The following SUGCT variants were observed in gnomAD, a reference collection of about 807,000 sequenced individuals.
SUGCT encodes the protein succinyl-CoA:glutarate CoA-transferase.
In SUGCT, 41 loss-of-function variants were observed where a neutral mutation model predicts 55.0. The ratio of observed to expected loss-of-function variants is 0.74; its 90% CI spans 0.58 to 0.97. SUGCT has a LOEUF of 0.97. Ranked by LOEUF, SUGCT falls within the 50% of genes least tolerant of loss-of-function variation. The pLI is 0.00. For missense variants in SUGCT, 568 were observed against 547.8 expected (o/e 1.04, Z -0.37); for synonymous variants, 187 against 200.4 (o/e 0.93, Z 0.56).
At position 40,448,629 on chromosome 7, in the gene SUGCT, C is replaced by T. The variant is rs144309172; in HGVS notation, c.817-658C>T. Among the ~76,000 whole-genome samples the T allele has an allele frequency of 8.3e-3, 1,258 of 152,114 alleles. 48 individuals carry two copies. Among genetic ancestry groups the T allele is most frequent in the Admixed American group, 0.059 (901 of 15,288 alleles). ...TTGGGAGGCTGAGGTAAGCGGATCT[C>T]GAGCCCAGGGGTTTAAGACCTGCCT... On this transcript the variant is annotated intron_variant, in intron 9 of 13. Transcript: ENST00000335693.
At chr7:40,718,858 A>G (rs778337650) in intron 12 of SUGCT, among the ~76,000 whole-genome samples, 21 of 152,214 alleles carry the variant, frequency 1.4e-4, no homozygotes, top group Non-Finnish European at 2.6e-4. Flanking sequence ...TACTATACAA[A>G]TATTTATTTA....
rs1022915051 is a variant in SUGCT at position 40,216,498 on chromosome 7, C to CAAA, written c.485-21116_485-21114dup. On this transcript the variant is annotated intron_variant, in intron 6 of 13. Coordinates refer to ENST00000335693, the MANE Select transcript of SUGCT (RefSeq NM_001193313.2). ...CTGGGCGAAGAGCAAGACTCCGTCT[C>CAAA]AAAAAAAAAAAAAAAAAAAAAAAGA... 1.3e-3 allele frequency among the ~76,000 whole-genome samples: 67 copies of CAAA among 50,310 alleles called. 1 individual carries two copies. Among genetic ancestry groups the CAAA allele is most frequent in the African/African-American group, 3.6e-3 (54 of 14,944 alleles). 33.0% of individuals were successfully genotyped at this position (50,310 alleles called of 152,430 possible). A position where few individuals can be genotyped will look rare whatever the true frequency, so the allele number is the denominator to read the frequency against.
intron 12 of SUGCT, among the ~76,000 whole-genome samples, chr7:40,582,368 G>A (rs1797148219): frequency 6.6e-6 from 1 of 152,072 alleles, no homozygotes; most frequent in African/African-American, 2.4e-5. Flanking sequence ...TCAACAATGA[G>A]ATATTTGAAT....
chr7:40,956,892 G>A, the SUGCT span, among the ~76,000 whole-genome samples: 2 of 152,094 alleles, frequency 1.3e-5, no homozygotes, highest in Admixed American at 6.6e-5. Context: ...AGTCATTCAG[G>A]AGCAGGTTGT....
intron 12 of SUGCT, among the ~76,000 whole-genome samples, chr7:40,504,821 C>T (rs1792498227): frequency 6.6e-6 from 1 of 152,162 alleles, no homozygotes; most frequent in Non-Finnish European, 1.5e-5. Flanking sequence ...AAAATCAATT[C>T]ACCATTAATA....
At chr7:40,354,285 A>G (rs1797781320) in intron 9 of SUGCT, among the ~76,000 whole-genome samples, 1 of 152,168 alleles carries the variant, frequency 6.6e-6, no homozygotes, top group Admixed American at 6.5e-5. Context: ...AGATTGAGGT[A>G]TTACATACAA....
At chr7:40,576,324 A>T (rs1796754517) in intron 12 of SUGCT, among the ~76,000 whole-genome samples, 1 of 152,222 alleles carries the variant, frequency 6.6e-6, no homozygotes, top group Non-Finnish European at 1.5e-5. Context: ...TGCAGCTATC[A>T]AACAAGGGAA....
At chr7:40,696,883 A>G (rs1784957473) in intron 12 of SUGCT, among the ~76,000 whole-genome samples, 2 of 152,218 alleles carry the variant, frequency 1.3e-5, no homozygotes, top group African/African-American at 4.8e-5. Flanking sequence ...TCTGTGGAAT[A>G]TGAAAACAGC....
intron 13 of SUGCT, chr7:40,775,610 C>G (rs1789409172): frequency 6.6e-6 from 1 of 152,200 alleles, no homozygotes; most frequent in Admixed American, 6.5e-5. Context: ...AGCTTTGCTT[C>G]TCCATGGGAG....
chr7:41,005,657 A>G, the SUGCT span, among the ~76,000 whole-genome samples: 1 of 152,194 alleles, frequency 6.6e-6, no homozygotes, highest in Non-Finnish European at 1.5e-5. Context: ...ACTGTTATCA[A>G]TGAGGTTACC....
At chr7:40,803,232 T>G (rs542220037) in intron 13 of SUGCT, among the ~76,000 whole-genome samples, 4 of 152,284 alleles carry the variant, frequency 2.6e-5, no homozygotes, top group African/African-American at 9.6e-5. Context: ...AAAATACTAG[T>G]AATAGTAATA....
the SUGCT span, among the ~76,000 whole-genome samples, chr7:40,942,821 ATTCT>A: frequency 6.6e-6 from 1 of 151,864 alleles, no homozygotes; most frequent in South Asian, 2.1e-4. Context: ...AAGCTCTGAA[ATTCT>A]TTCTTTTACT....
At chr7:40,665,576 G>T (rs1461922261) in intron 12 of SUGCT, among the ~76,000 whole-genome samples, 1 of 152,078 alleles carries the variant, frequency 6.6e-6, no homozygotes, top group African/African-American at 2.4e-5. Context: ...TTTCAAGGGT[G>T]GTGAGAACTA....
At chr7:40,751,216 C>T (rs1456733915) in intron 13 of SUGCT, among the ~76,000 whole-genome samples, 1 of 151,890 alleles carries the variant, frequency 6.6e-6, no homozygotes, top group Non-Finnish European at 1.5e-5. Context: ...GAGAAAACCC[C>T]GAGGTGATGA....
chr7:40,878,447 G>A, the SUGCT span, among the ~76,000 whole-genome samples: 6,813 of 152,242 alleles, frequency 0.045, 486 homozygotes, highest in African/African-American at 0.16. Context: ...TTGTCTGGTA[G>A]GCTTCACTTT....
chr7:40,171,076 G>A (rs1295611248), intron 1 of SUGCT, among the ~76,000 whole-genome samples: 5 of 152,214 alleles, frequency 3.3e-5, no homozygotes, highest in Admixed American at 6.5e-5. Context: ...TTTTGGGTTA[G>A]GATTGAGATA....
the SUGCT span, among the ~76,000 whole-genome samples, chr7:40,969,213 T>G: frequency 1.3e-5 from 2 of 152,254 alleles, no homozygotes; most frequent in Non-Finnish European, 2.9e-5. Flanking sequence ...TGTTACATGG[T>G]CTGTCTTGAC....
At chr7:40,551,532 T>C (rs1349251021) in intron 12 of SUGCT, among the ~76,000 whole-genome samples, 1 of 152,146 alleles carries the variant, frequency 6.6e-6, no homozygotes, top group Non-Finnish European at 1.5e-5. Context: ...GAAATAAATA[T>C]ATATGTTGTG....
chr7:40,298,237 G>A (rs1009642197), intron 8 of SUGCT, among the ~76,000 whole-genome samples: 1 of 151,998 alleles, frequency 6.6e-6, no homozygotes, highest in Admixed American at 6.6e-5. Context: ...TAGGCCTGAG[G>A]CTGAAAGTGA....
Sources: allele counts gnomAD v4.1 joint callset (sites outside exome capture counted in the v4.1 genomes callset), GRCh38; gene constraint gnomAD v4.1.1; transcripts MANE v1.5; gene names NCBI Gene and HGNC (gene_info 2026-07-23, HGNC 2026-07-21).